VPS13A: variants seen among roughly 807,000 people sequenced by gnomAD.
The protein encoded by VPS13A is vacuolar protein sorting 13 homolog A.
Under a neutral mutation model 390.9 loss-of-function variants are expected in VPS13A, and 264 were observed. That is an observed-to-expected ratio of 0.68 (90% CI 0.61 to 0.75). The LOEUF (loss-of-function observed/expected upper bound fraction) is 0.75. VPS13A is among the 30% of genes least tolerant of loss of function. The pLI is 0.00. For synonymous variants in VPS13A, 1,231 were observed against 1,227.1 expected (o/e 1.00, Z -0.07); for missense variants, 3,409 against 3,733.9 (o/e 0.91, Z 2.27).
chr9:77,194,697 G>A (rs933238403), intron 1 of VPS13A, among the ~76,000 whole-genome samples: 2 of 152,194 alleles, frequency 1.3e-5, no homozygotes, highest in Non-Finnish European at 2.9e-5. Context: ...TTCCCCAGGA[G>A]CATTTGGGGT....
rs1827167857 is a variant in VPS13A at position 77,283,603 on chromosome 9, A to G, written c.3292A>G (p.Arg1098Gly). 1 of 1,613,284 alleles carries G rather than the reference A, an allele frequency of 6.2e-7. No individual in the cohort carries two copies. Among genetic ancestry groups the G allele is most frequent in the Non-Finnish European group, 8.5e-7 (1 of 1,179,620 alleles). ...PSETEINAKL[R>G]NIIVLDSDIT... ...AGAAACTGAAATAAACGCAAAGCTA[A>G]GGAATATAATTGTTTTAGATTCTGA... Residue 1098 changes from arginine to glycine, a missense_variant, in exon 31 of 72, where the codon AGG becomes GGG. Arg to Gly is a moderately radical substitution (Grantham distance 125). Coordinates refer to ENST00000360280, the MANE Select transcript of VPS13A (RefSeq NM_033305.3).
intron 29 of VPS13A, among the ~76,000 whole-genome samples, chr9:77,282,892 C>T (rs951435145): frequency 6.6e-6 from 1 of 151,284 alleles, no homozygotes; most frequent in African/African-American, 2.4e-5. Context: ...AAGGTTGCAG[C>T]GATCTTTGAG....
chr9:77,181,992 T>G (rs1192210740), intron 1 of VPS13A, among the ~76,000 whole-genome samples: 1 of 152,220 alleles, frequency 6.6e-6, no homozygotes, highest in Non-Finnish European at 1.5e-5. Context: ...CACTTCTATT[T>G]ATAATTCTCC....
At chr9:77,405,793 G>A (rs574106597) in intron 69 of VPS13A, 71 bp from the exon 70 acceptor site, 58 of 1,585,640 alleles carry the variant, frequency 3.7e-5, no homozygotes, top group East Asian at 9.0e-5. Flanking sequence ...CGATTCATTC[G>A]TATCCTGTTG....
rs1830602842 is a variant in VPS13A at position 77,337,549 on chromosome 9, C to T, written c.6378+12C>T. The T allele has an allele frequency of 6.2e-7, 1 of 1,607,442 alleles. No individual in the cohort carries two copies. The highest frequency in any genetic ancestry group is 1.3e-5 in the African/African-American group (1 of 74,784). ...CTTATTATATAGAGGTATCGGCAAA[C>T]TGATTTAGTGCCTTCCTGTTTTTGA... On this transcript the variant is annotated intron_variant, in intron 47 of 71. Coordinates refer to ENST00000360280, the MANE Select transcript of VPS13A (RefSeq NM_033305.3).
At chr9:77,336,802 C>CTTTTTTTTTTTTTT (rs1221241397) in intron 46 of VPS13A, among the ~76,000 whole-genome samples, 1 of 107,988 alleles carries the variant, frequency 9.3e-6, no homozygotes, top group Non-Finnish European at 1.8e-5. Context: ...ATTTATCTAT[C>CTTTTTTTTTTTTTT]TTTTTTTTTT....
At chr9:77,343,890 T>G (rs1830984235) in intron 50 of VPS13A, among the ~76,000 whole-genome samples, 1 of 152,172 alleles carries the variant, frequency 6.6e-6, no homozygotes, top group South Asian at 2.1e-4. Context: ...CATGACCACA[T>G]TAAAGTCTCT....
chr9:77,361,233 CATTTTCATCA>C (rs897390226), intron 59 of VPS13A, among the ~76,000 whole-genome samples: 1 of 152,086 alleles, frequency 6.6e-6, no homozygotes, highest in Non-Finnish European at 1.5e-5. Flanking sequence ...AATTCCGGAA[CATTTTCATCA>C]TCCCCAAAAG....
chr9:77,178,101 C>G (rs993486203), intron 1 of VPS13A: 2 of 358,322 alleles, frequency 5.6e-6, no homozygotes, highest in South Asian at 4.7e-5. Context: ...GTTCAAGTCC[C>G]GGCGAGGGGC....
chr9:77,403,336 TTCTC>T lies in VPS13A; in HGVS notation c.9275+17_9275+20del. ...ATAACCAGACGGTAACTTGCTTTCT[TTCTC>T]TTACGTAATTTTATAAGGGGTTAAC... On this transcript the variant is annotated intron_variant, in intron 69 of 71. Coordinates refer to ENST00000360280, the MANE Select transcript of VPS13A (RefSeq NM_033305.3). The T allele has an allele frequency of 6.3e-7, 1 of 1,597,942 alleles. No homozygotes were observed. The highest frequency in any genetic ancestry group is 8.6e-7 in the Non-Finnish European group (1 of 1,168,614).
At chr9:77,261,075 A>G (rs1479662650) in intron 23 of VPS13A, among the ~76,000 whole-genome samples, 1 of 151,328 alleles carries the variant, frequency 6.6e-6, no homozygotes, top group East Asian at 2.0e-4. Flanking sequence ...TTTTTTTTGC[A>G]TTTTTAGTAG....
chr9:77,340,717 G>A (rs1830764786), intron 50 of VPS13A, 167 bp downstream of exon 50: 3 of 771,420 alleles, frequency 3.9e-6, no homozygotes, highest in Admixed American at 3.0e-5. Flanking sequence ...TAGATGGGAA[G>A]GTTCAATTTT....
Position 77,403,320 on chromosome 9 carries a change from C to T in VPS13A, c.9274C>T (p.Arg3092Cys), listed in dbSNP as rs146574121. Residue 3092 changes from arginine to cysteine, a missense_variant and splice_region_variant, in exon 69 of 72, where the codon CGT becomes TGT. Transcript: ENST00000360280. ...GACAGATATGCTAATGATAACCAGA[C>T]GGTAACTTGCTTTCTTTCTCTTACG... ...NKTDMLMITR[R>C]GVLFVTKGTF... is the part of the protein sequence containing the mutation. The T allele has an allele frequency of 1.3e-4, 203 of 1,608,920 alleles. No homozygotes were observed. In the African/African-American group the frequency reaches 2.0e-3, roughly 16 times the overall value.
chr9:77,338,589 A>T (rs1830654784), intron 47 of VPS13A: 1 of 152,184 alleles, frequency 6.6e-6, no homozygotes, highest in Non-Finnish European at 1.5e-5. Flanking sequence ...TCCCAGACAC[A>T]GGGTTGCCAT....
chr9:77,353,377 G>GTTT (rs368165342), intron 53 of VPS13A, 32 bp from the exon 54 acceptor site: 749 of 1,274,252 alleles, frequency 5.9e-4, no homozygotes, highest in South Asian at 1.7e-3. Context: ...TAATTTTTTG[G>GTTT]TTTTTTTTTT....
chr9:77,260,609 C>A (rs1380835448), intron 23 of VPS13A, among the ~76,000 whole-genome samples: 2 of 151,980 alleles, frequency 1.3e-5, no homozygotes, highest in African/African-American at 2.4e-5. Context: ...CCCGCCTCGG[C>A]CTCCCAAAGT....
In VPS13A at chr9:77,321,128, C is replaced by T. The variant is rs188626662; in HGVS notation, c.5416-41C>T. ...GGGATTTGTCTAGTTATGTTGTGTTCTTAGAATTTTTCCTTATATTTCTAT... is the reference window on the plus strand; with the variant it reads ...GGGATTTGTCTAGTTATGTTGTGTTTTTAGAATTTTTCCTTATATTTCTAT... On this transcript the variant is annotated intron_variant, in intron 42 of 71. Transcript: ENST00000360280. 3 of 1,567,382 alleles carry T rather than the reference C, an allele frequency of 1.9e-6. No individual in the cohort carries two copies. In the African/African-American group the frequency reaches 4.1e-5, roughly 21 times the overall value.
intron 42 of VPS13A, 103 bp downstream of exon 42, chr9:77,319,776 G>A (rs1829632590): frequency 1.6e-6 from 1 of 633,400 alleles, no homozygotes; most frequent in Non-Finnish European, 2.6e-6. Context: ...TTGAGAAGAA[G>A]GAACAGAGAT....
chr9:77,348,014 CA>C (rs1228027297), intron 52 of VPS13A, among the ~76,000 whole-genome samples: 3 of 152,122 alleles, frequency 2.0e-5, no homozygotes, highest in Admixed American at 6.5e-5. Flanking sequence ...AACGCTTTTA[CA>C]CTGTTGCTGG....
Sources: gnomAD v4.1 joint callset for allele counts (sites outside exome capture counted in the v4.1 genomes callset) on GRCh38, gnomAD v4.1.1 for gene constraint, MANE v1.5 for transcripts, NCBI Gene and HGNC (gene_info 2026-07-23, HGNC 2026-07-21) for gene names.